C9: variants seen among roughly 807,000 people sequenced by gnomAD.
The protein encoded by C9 is complement C9.
Under a neutral mutation model 65.4 loss-of-function variants are expected in C9, and 63 were observed. That is an observed-to-expected ratio of 0.96 (90% CI 0.79 to 1.19). The LOEUF (loss-of-function observed/expected upper bound fraction) is 1.19, where lower values mean the gene tolerates loss of function less well. Ranked by LOEUF, C9 falls within the 50% of genes most tolerant of loss-of-function variation. The probability of loss-of-function intolerance (pLI) is 0.00; values close to 1 mark genes in which losing one functional copy is unlikely to be tolerated. For synonymous variants in C9, 229 were observed against 227.9 expected, an observed-to-expected ratio of 1.00 and a Z score of -0.04; for missense variants, 744 against 670.1, an observed-to-expected ratio of 1.11 and a Z score of -1.22.
intron 7 of C9, among the ~76,000 whole-genome samples, chr5:39,310,035 T>G (rs775786173): frequency 2.6e-5 from 4 of 152,170 alleles, no homozygotes; most frequent in Non-Finnish European, 5.9e-5. Flanking sequence ...GCTGTGGATA[T>G]AGCCCTGTGA....
intron 1 of C9, among the ~76,000 whole-genome samples, chr5:39,360,637 G>A (rs1368710946): frequency 6.6e-6 from 1 of 152,016 alleles, no homozygotes; most frequent in Non-Finnish European, 1.5e-5. Context: ...ATGGACAAAG[G>A]AAATGAATAG....
At chr5:39,334,972 A>G (rs1313906633) in intron 4 of C9, among the ~76,000 whole-genome samples, 1 of 147,586 alleles carries the variant, frequency 6.8e-6, no homozygotes, top group Non-Finnish European at 1.5e-5. Context: ...GTTCTGTACT[A>G]AGAAAAATTC....
intron 6 of C9, 67 bp downstream of exon 6, chr5:39,315,708 A>G: frequency 1.7e-6 from 2 of 1,194,136 alleles, no homozygotes; most frequent in Non-Finnish European, 2.4e-6. Context: ...CTATTTGCTC[A>G]AAATACTTAA....
intron 1 of C9, among the ~76,000 whole-genome samples, chr5:39,350,327 G>A (rs1203011894): frequency 4.6e-5 from 7 of 152,144 alleles, no homozygotes; most frequent in Non-Finnish European, 1.5e-5. Context: ...CGTGGGAGAT[G>A]AGTGGGGACA....
chr5:39,317,503 T>A (rs1753588742), intron 5 of C9, among the ~76,000 whole-genome samples: 1 of 152,242 alleles, frequency 6.6e-6, no homozygotes, highest in African/African-American at 2.4e-5. Context: ...TTAGTCCATC[T>A]TGAGTTAATT....
intron 6 of C9, among the ~76,000 whole-genome samples, chr5:39,311,672 A>G (rs1753487587): frequency 6.6e-6 from 1 of 152,170 alleles, no homozygotes; most frequent in South Asian, 2.1e-4. Flanking sequence ...CCAGCCAGCA[A>G]TTCCACTCCT....
chr5:39,311,807 C>A (rs1181430635), intron 6 of C9, among the ~76,000 whole-genome samples: 2 of 152,096 alleles, frequency 1.3e-5, no homozygotes, highest in Non-Finnish European at 2.9e-5. Context: ...AATCAATAAA[C>A]AACCATAGCA....
At position 39,284,915 on chromosome 5, in the gene C9, GT is replaced by G. The variant is rs200805329; in HGVS notation, c.*283del. On this transcript the variant is annotated 3_prime_UTR_variant, in exon 11 of 11. Transcript: ENST00000263408. Reference sequence around the variant, plus strand: ...AACATTCTGTTTTTAATTTAATTTTGTTTTTTTTTAGAAGAGATTGGCATTT... The same window carrying G: ...AACATTCTGTTTTTAATTTAATTTTGTTTTTTTTAGAAGAGATTGGCATTT... 80 of 403,230 alleles carry G rather than the reference GT, an allele frequency of 2.0e-4. No homozygotes were observed. Among genetic ancestry groups the G allele is most frequent in the South Asian group, 2.5e-4 (6 of 24,270 alleles). 25.0% of individuals were successfully genotyped at this position (403,230 alleles called of 1,614,324 possible).
chr5:39,296,936 G>A (rs1043418824), intron 9 of C9, among the ~76,000 whole-genome samples: 6 of 151,312 alleles, frequency 4.0e-5, no homozygotes, highest in African/African-American at 1.5e-4. Flanking sequence ...AGGTTGGGAA[G>A]GGTAGGGGAA....
At chr5:39,340,074 G>A (rs191437202) in intron 4 of C9, among the ~76,000 whole-genome samples, 1 of 152,108 alleles carries the variant, frequency 6.6e-6, no homozygotes, top group Non-Finnish European at 1.5e-5. Context: ...CTCCATACCC[G>A]GGACTGGAGT....
intron 1 of C9, among the ~76,000 whole-genome samples, chr5:39,348,117 C>CTTCA (rs1754245165): frequency 6.6e-6 from 1 of 152,050 alleles, no homozygotes; most frequent in South Asian, 2.1e-4. Context: ...TGGGCAAGGA[C>CTTCA]TTCATGTCTA....
chr5:39,341,748 G>A (rs1368642938), intron 2 of C9, 48 bp from the exon 3 acceptor site: 2 of 1,577,850 alleles, frequency 1.3e-6, no homozygotes, highest in East Asian at 2.2e-5. Flanking sequence ...GCCAAAAAAA[G>A]GGTATGGTCT....
Position 39,316,008 on chromosome 5 carries a change from T to C in C9, c.637A>G (p.Arg213Gly), listed in dbSNP as rs1474174046. 1 of 1,612,472 alleles carries C rather than the reference T, an allele frequency of 6.2e-7. No individual in the cohort carries two copies. Among genetic ancestry groups the C allele is most frequent in the East Asian group, 2.2e-5 (1 of 44,792 alleles). The part of the protein sequence containing the change: ...IYETKGEKNF[R>G]TEHYEEQIEA... ...ATTTGTTCTTCGTAATGTTCGGTTC[T>C]GAAATTTTTCTCGCCTTTGGTCTAA... Residue 213 changes from arginine (R) to glycine (G), a missense_variant, in exon 6 of 11, where the codon AGA becomes GGA. By Grantham distance (125) the Arg-to-Gly change is moderately radical. Coordinates refer to ENST00000263408, the MANE Select transcript of C9 (RefSeq NM_001737.5).
In C9 at chr5:39,320,846, T is replaced by C. The variant is rs1446860770; in HGVS notation, c.616-4817A>G. Among the ~76,000 whole-genome samples, 3 of 152,108 alleles carry C rather than the reference T, an allele frequency of 2.0e-5. No homozygotes were observed. In the East Asian group the frequency reaches 5.8e-4, roughly 29 times the overall value. On this transcript the variant is annotated intron_variant, in intron 5 of 10. Transcript: ENST00000263408. ...CTAGCAGATGTTTCAGCAAAAGCCTTGAATCCAGGAGAGAGTGAGATGATA... is the reference window on the plus strand; with the variant it reads ...CTAGCAGATGTTTCAGCAAAAGCCTCGAATCCAGGAGAGAGTGAGATGATA...
intron 1 of C9, among the ~76,000 whole-genome samples, chr5:39,360,620 T>C (rs1157296961): frequency 6.6e-6 from 1 of 152,060 alleles, no homozygotes; most frequent in Non-Finnish European, 1.5e-5. Flanking sequence ...GGAGACTCAA[T>C]AGAACAATGG....
At chr5:39,322,378 CA>C (rs1753679092) in intron 5 of C9, among the ~76,000 whole-genome samples, 1 of 151,768 alleles carries the variant, frequency 6.6e-6, no homozygotes, top group Non-Finnish European at 1.5e-5. Context: ...ATGCTTACAT[CA>C]AAAAAGAATT....
intron 7 of C9, among the ~76,000 whole-genome samples, chr5:39,308,998 G>A (rs898717818): frequency 1.3e-5 from 2 of 152,122 alleles, no homozygotes; most frequent in Non-Finnish European, 2.9e-5. Flanking sequence ...GCTTTGGACA[G>A]ATGGCTGATG....
intron 9 of C9, among the ~76,000 whole-genome samples, chr5:39,295,763 G>A (rs1026459281): frequency 3.3e-5 from 5 of 151,322 alleles, no homozygotes; most frequent in Admixed American, 6.6e-5. Flanking sequence ...TAGGAGTATC[G>A]CATTATCGGA....
intron 1 of C9, among the ~76,000 whole-genome samples, chr5:39,345,989 C>G (rs938507430): frequency 8.5e-5 from 13 of 152,298 alleles, no homozygotes; most frequent in Admixed American, 8.5e-4. Context: ...AAAGACACAA[C>G]ATACCAGAAT....
Sources: gnomAD v4.1 joint callset for allele counts (sites outside exome capture counted in the v4.1 genomes callset) on GRCh38, gnomAD v4.1.1 for gene constraint, MANE v1.5 for transcripts, NCBI Gene and HGNC (gene_info 2026-07-23, HGNC 2026-07-21) for gene names.